Variants in RBM19 observed in about 807,000 individuals in gnomAD.
RBM19 encodes the protein probable RNA-binding protein 19.
RBM19 carries 94 observed loss-of-function variants against 116.8 expected under a neutral mutation model. That is an observed-to-expected ratio of 0.80 (90% CI 0.68 to 0.95). The LOEUF (loss-of-function observed/expected upper bound fraction) is 0.95. RBM19 is among the 40% of genes least tolerant of loss of function. The pLI is 0.00. For synonymous variants in RBM19, 475 were observed against 494.1 expected, an observed-to-expected ratio of 0.96 and a Z score of 0.51; for missense variants, 1,161 against 1,220.7, an observed-to-expected ratio of 0.95 and a Z score of 0.73.
chr12:113,888,048 G>C (rs186821277), intron 21 of RBM19, among the ~76,000 whole-genome samples: 2 of 152,232 alleles, frequency 1.3e-5, no homozygotes, highest in Non-Finnish European at 2.9e-5. Flanking sequence ...AAGTCCCTGA[G>C]GCCACCTGGA....
intron 21 of RBM19, among the ~76,000 whole-genome samples, chr12:113,868,357 T>C (rs1486866538): frequency 6.6e-6 from 1 of 151,974 alleles, no homozygotes; most frequent in Non-Finnish European, 1.5e-5. Context: ...TGAACCTGAA[T>C]AGAGTCCTCG....
At position 113,945,953 on chromosome 12, in the gene RBM19, C is replaced by T. The variant is rs369852568; in HGVS notation, c.1530-29G>A. ...AGAGGCAGAGGCAGAACAGGGAGATCAGACCGCAGCTGGATGAGGGGAACT... is the reference window on the plus strand; with the variant it reads ...AGAGGCAGAGGCAGAACAGGGAGATTAGACCGCAGCTGGATGAGGGGAACT... On this transcript the variant is annotated intron_variant, in intron 12 of 23. Transcript: ENST00000261741. 22 of 1,514,690 alleles carry T rather than the reference C, an allele frequency of 1.5e-5. No individual in the cohort carries two copies. The African/African-American group carries it at 1.8e-4, about 12-fold the overall frequency. 93.8% of individuals were successfully genotyped at this position (1,514,690 alleles called of 1,614,324 possible). A position where few individuals can be genotyped will look rare whatever the true frequency, so the allele number is the denominator to read the frequency against.
At chr12:113,855,180 G>A (rs546069491) in intron 22 of RBM19, among the ~76,000 whole-genome samples, 1 of 152,178 alleles carries the variant, frequency 6.6e-6, no homozygotes, top group East Asian at 1.9e-4. Context: ...CATGTGCTCA[G>A]GGCCACAGCA....
At chr12:113,961,176 C>G (rs922256285) in intron 2 of RBM19, among the ~76,000 whole-genome samples, 6 of 152,178 alleles carry the variant, frequency 3.9e-5, no homozygotes, top group African/African-American at 1.4e-4. Flanking sequence ...GCACATGTCA[C>G]CATGCCCGGC....
rs755751973 is a variant in RBM19, at chr12:113,858,795, G to C, written c.2660C>G (p.Ala887Gly). The change falls in exon 22 of 24, where the codon GCG (alanine) becomes GGG (glycine). Residue 887 changes from alanine to glycine, a missense_variant. Coordinates refer to ENST00000261741, the MANE Select transcript of RBM19 (RefSeq NM_016196.4). ...GFVDFLTKQD[A>G]KRAFNALCHS... is the part of the protein sequence containing the mutation. ...GGAAGGGATTCACGGTCTCACCTTC[G>C]CATCCTGCTTGGTGAGGAAGTCCAC... The C allele has an allele frequency of 3.7e-6, 6 of 1,613,700 alleles. No individual in the cohort carries two copies. Among genetic ancestry groups the C allele is most frequent in the Non-Finnish European group, 5.1e-6 (6 of 1,179,718 alleles).
chr12:113,921,170 C>A (rs1868529203), intron 18 of RBM19, among the ~76,000 whole-genome samples: 1 of 152,208 alleles, frequency 6.6e-6, no homozygotes, highest in Non-Finnish European at 1.5e-5. Context: ...AAGTTTGGAT[C>A]ATGTGGGCGA....
At chr12:113,853,317 G>A (rs1384068061) in intron 22 of RBM19, among the ~76,000 whole-genome samples, 2 of 152,174 alleles carry the variant, frequency 1.3e-5, no homozygotes, top group Non-Finnish European at 2.9e-5. Flanking sequence ...CCACCATCGC[G>A]TCTCCCTACT....
chr12:113,901,893 A>G (rs1881724037), intron 21 of RBM19, among the ~76,000 whole-genome samples: 1 of 151,054 alleles, frequency 6.6e-6, no homozygotes, highest in African/African-American at 2.5e-5. Flanking sequence ...TAGGCAACTC[A>G]TTACTGCAGG....
chr12:113,879,434 T>TAC (rs1879933196), intron 21 of RBM19, among the ~76,000 whole-genome samples: 1 of 146,732 alleles, frequency 6.8e-6, no homozygotes, highest in African/African-American at 2.5e-5. Context: ...ATACATTTTA[T>TAC]ATATATATAT....
At chr12:113,879,446 T>TATAGATATATATATATATATATATAC (rs1555234783) in intron 21 of RBM19, among the ~76,000 whole-genome samples, 1 of 142,260 alleles carries the variant, frequency 7.0e-6, no homozygotes, top group South Asian at 2.4e-4. Context: ...TATATATATA[T>TATAGATATATATATATATATATATAC]ATATGGACTT....
At chr12:113,926,163 C>T (rs1869047489) in intron 17 of RBM19, among the ~76,000 whole-genome samples, 2 of 152,150 alleles carry the variant, frequency 1.3e-5, no homozygotes. Context: ...CTCTCTACCA[C>T]ATCCCAATGT....
intron 22 of RBM19, among the ~76,000 whole-genome samples, chr12:113,847,551 G>A (rs542581960): frequency 6.6e-6 from 1 of 152,186 alleles, no homozygotes; most frequent in South Asian, 2.1e-4. Context: ...AATTGGTGGG[G>A]AGTCTGGTGT....
chr12:113,918,547 C>CTCCCAT, intron 19 of RBM19, 100 bp from the exon 20 acceptor site: 1 of 1,294,432 alleles, frequency 7.7e-7, no homozygotes, highest in Non-Finnish European at 1.1e-6. Context: ...CAGATGGGAG[C>CTCCCAT]CTGATTGTTC....
At chr12:113,879,431 TTA>T (rs5801011) in intron 21 of RBM19, among the ~76,000 whole-genome samples, 6 of 132,604 alleles carry the variant, frequency 4.5e-5, no homozygotes, top group African/African-American at 1.1e-4. Flanking sequence ...TACATACATT[TTA>T]TATATATATA....
At chr12:113,912,646 G>A (rs145710199) in intron 21 of RBM19, among the ~76,000 whole-genome samples, 79 of 152,330 alleles carry the variant, frequency 5.2e-4, no homozygotes, top group African/African-American at 1.9e-3. Flanking sequence ...GATTCTGCAC[G>A]GGAAGGCATT....
At chr12:113,929,588 G>C (rs759128390) in intron 16 of RBM19, among the ~76,000 whole-genome samples, 1 of 152,252 alleles carries the variant, frequency 6.6e-6, no homozygotes, top group Non-Finnish European at 1.5e-5. Context: ...AGGCAGCTAA[G>C]ACTTCAGGTC....
chr12:113,944,610 C>T (rs772256146), intron 13 of RBM19, among the ~76,000 whole-genome samples: 1 of 151,952 alleles, frequency 6.6e-6, no homozygotes, highest in Non-Finnish European at 1.5e-5. Flanking sequence ...CCAGACTGGG[C>T]CACATAGTGA....
At chr12:113,817,276 G>C (rs1874101518), downstream of RBM19, 1 of 152,296 alleles carries the variant, frequency 6.6e-6, no homozygotes, top group Non-Finnish European at 1.5e-5. Context: ...GGCCAGTGTG[G>C]AGGCACACAG....
In RBM19 at chr12:113,937,024, G is replaced by C; in HGVS notation, c.2051C>G (p.Pro684Arg). 1 of 1,614,058 alleles carries C rather than the reference G, an allele frequency of 6.2e-7. No homozygotes were observed. Among genetic ancestry groups the C allele is most frequent in the Non-Finnish European group, 8.5e-7 (1 of 1,179,992 alleles). The change falls in exon 16 of 24, where the codon CCA becomes CGA. Residue 684 changes from proline to arginine, a missense_variant. Physicochemically the swap from Pro to Arg is moderately radical, Grantham distance 103. Coordinates refer to ENST00000261741, the MANE Select transcript of RBM19 (RefSeq NM_016196.4). ...GCTCTTACCTGTTTCTGGCTCTGCT[G>C]GGTCCTTTTCCATGGGTTCTGAAGG... ...DTPSEPMEKD[P>R]AEPETVPDGE...
Sources: gnomAD v4.1 joint callset for allele counts (sites outside exome capture counted in the v4.1 genomes callset) on GRCh38, gnomAD v4.1.1 for gene constraint, MANE v1.5 for transcripts, NCBI Gene and HGNC (gene_info 2026-07-23, HGNC 2026-07-21) for gene names.